The following CADM2 variants were observed in gnomAD, a reference collection of about 807,000 sequenced individuals.
The protein encoded by CADM2 is immunoglobulin superfamily member 4D.
A neutral mutation model predicts 49.8 loss-of-function variants in CADM2; 12 were observed. The observed-to-expected ratio is 0.24, with a 90% CI of 0.15 to 0.39. CADM2 has a LOEUF of 0.39. Ranked by LOEUF, CADM2 falls within the 10% of genes least tolerant of loss-of-function variation. The pLI, the probability that CADM2 is intolerant of heterozygous loss-of-function variation, is 1.00. For synonymous variants in CADM2, 214 were observed against 175.4 expected, an observed-to-expected ratio of 1.22 and a Z score of -1.74; for missense variants, 378 against 492.3, an observed-to-expected ratio of 0.77 and a Z score of 2.20.
chr3:85,127,751 T>A (rs2039083721), intron 1 of CADM2, among the ~76,000 whole-genome samples: 1 of 152,172 alleles, frequency 6.6e-6, no homozygotes, highest in Admixed American at 6.6e-5. Context: ...AGGATTGATT[T>A]AGGTGATACA....
intron 1 of CADM2, among the ~76,000 whole-genome samples, chr3:85,020,215 C>T (rs189755844): frequency 6.6e-6 from 1 of 151,998 alleles, no homozygotes; most frequent in East Asian, 1.9e-4. Context: ...CTGGTGGTTT[C>T]AATGAAAAAC....
intron 3 of CADM2, among the ~76,000 whole-genome samples, chr3:85,831,592 G>A (rs566973805): frequency 6.6e-6 from 1 of 152,048 alleles, no homozygotes; most frequent in East Asian, 1.9e-4. Context: ...GTGATGTAAA[G>A]CATTTTAAAA....
In CADM2 at chr3:85,906,065, G is replaced by C. The variant is rs148937221; in HGVS notation, c.530-6308G>C. 7.5e-4 allele frequency among the ~76,000 whole-genome samples: 114 copies of C among 152,246 alleles called. 1 individual carries two copies. The East Asian group carries it at 0.02, about 27-fold the overall frequency. ...TTCAAAGAAGTCACACTTGCCTGCT[G>C]CTACAGAAGTTGCTCAAATGCGTAG... is the stretch of plus-strand genomic sequence containing the variant. On this transcript the variant is annotated intron_variant, in intron 5 of 9. Coordinates refer to ENST00000383699, the MANE Select transcript of CADM2 (RefSeq NM_001167675.2).
chr3:85,280,397 A>G (rs1335859827), intron 1 of CADM2, among the ~76,000 whole-genome samples: 1 of 151,062 alleles, frequency 6.6e-6, no homozygotes, highest in Admixed American at 6.6e-5. Context: ...GACCTGCAAA[A>G]TTTCTGCTGA....
chr3:85,239,652 A>G lies in CADM2; in HGVS notation c.61+279984A>G, dbSNP rs186702904. Among the ~76,000 whole-genome samples the G allele has an allele frequency of 3.4e-3, 509 of 151,624 alleles. 1 individual carries two copies. The highest frequency in any genetic ancestry group is 0.011 in the African/African-American group (459 of 41,518). ...AGATTATATTAGAAAAACATTTATA[A>G]ATTTATTAAAATAGGTTTTTTATAA... is the stretch of plus-strand genomic sequence containing the variant. On this transcript the variant is annotated intron_variant, in intron 1 of 9. Coordinates refer to ENST00000383699, the MANE Select transcript of CADM2 (RefSeq NM_001167675.2).
At chr3:85,296,102 A>T (rs1576304249) in intron 1 of CADM2, among the ~76,000 whole-genome samples, 2 of 152,190 alleles carry the variant, frequency 1.3e-5, no homozygotes, top group Middle Eastern at 3.4e-3. Flanking sequence ...TATAATATTT[A>T]ACATGAAGAT....
chr3:85,264,995 T>C (rs2043090810), intron 1 of CADM2, among the ~76,000 whole-genome samples: 2 of 151,994 alleles, frequency 1.3e-5, no homozygotes, highest in African/African-American at 2.4e-5. Flanking sequence ...CTCTGAGCTA[T>C]GAGTTTATTC....
chr3:86,052,658 G>GC (rs1242708580), intron 8 of CADM2, among the ~76,000 whole-genome samples: 6 of 151,798 alleles, frequency 4.0e-5, no homozygotes, highest in Non-Finnish European at 7.4e-5. Context: ...AGGCATATTT[G>GC]CCACTCATTA....
intron 3 of CADM2, among the ~76,000 whole-genome samples, chr3:85,865,517 AT>A (rs1559709506): frequency 6.6e-6 from 1 of 152,224 alleles, no homozygotes; most frequent in African/African-American, 2.4e-5. Flanking sequence ...ATGAGTGTTT[AT>A]TAGTAAAATA....
intron 1 of CADM2, among the ~76,000 whole-genome samples, chr3:84,969,461 G>A (rs1248857): frequency 0.56 from 84,268 of 150,976 alleles, 23,958 homozygotes; most frequent in African/African-American, 0.65. Flanking sequence ...ATAAAACTTC[G>A]TATATTATTA....
At chr3:85,472,125 T>C (rs1268036422) in intron 1 of CADM2, among the ~76,000 whole-genome samples, 1 of 151,974 alleles carries the variant, frequency 6.6e-6, no homozygotes, top group Non-Finnish European at 1.5e-5. Flanking sequence ...AATGGAATAA[T>C]TTATTTTTAA....
intron 1 of CADM2, among the ~76,000 whole-genome samples, chr3:85,337,480 A>G (rs1365524420): frequency 6.6e-6 from 1 of 151,406 alleles, no homozygotes; most frequent in Non-Finnish European, 1.5e-5. Context: ...ACAAAAATAA[A>G]TGGCCTACAG....
At chr3:85,474,715 T>C (rs2038908852) in intron 1 of CADM2, among the ~76,000 whole-genome samples, 1 of 151,978 alleles carries the variant, frequency 6.6e-6, no homozygotes, top group South Asian at 2.1e-4. Context: ...TGTGATGATA[T>C]CCACTTAGAG....
intron 5 of CADM2, among the ~76,000 whole-genome samples, chr3:85,895,015 G>A (rs1370027944): frequency 6.6e-6 from 1 of 152,248 alleles, no homozygotes; most frequent in African/African-American, 2.4e-5. Flanking sequence ...CCCACAGAGA[G>A]TCCCGACTGA....
intron 1 of CADM2, among the ~76,000 whole-genome samples, chr3:85,510,474 C>G (rs1163089492): frequency 6.6e-6 from 1 of 151,968 alleles, no homozygotes; most frequent in Non-Finnish European, 1.5e-5. Context: ...CGAAAATTGC[C>G]TAAAATTGCT....
chr3:85,030,817 C>A (rs1320479118), intron 1 of CADM2, among the ~76,000 whole-genome samples: 1 of 152,154 alleles, frequency 6.6e-6, no homozygotes, highest in African/African-American at 2.4e-5. Flanking sequence ...TTCCGTCTCT[C>A]CCCTGAGAAA....
At chr3:85,072,186 T>C (rs2036772821) in intron 1 of CADM2, among the ~76,000 whole-genome samples, 1 of 151,954 alleles carries the variant, frequency 6.6e-6, no homozygotes. Context: ...TATGAAGAAA[T>C]GATAAATGTA....
chr3:85,068,742 T>A (rs907519970), intron 1 of CADM2, among the ~76,000 whole-genome samples: 8 of 152,010 alleles, frequency 5.3e-5, no homozygotes, highest in Non-Finnish European at 8.8e-5. Context: ...TAAAGTAAGC[T>A]TTTTTGTTTT....
intron 5 of CADM2, among the ~76,000 whole-genome samples, chr3:85,891,801 A>G (rs929905218): frequency 6.6e-6 from 1 of 152,228 alleles, no homozygotes; most frequent in African/African-American, 2.4e-5. Flanking sequence ...ACTAACAATC[A>G]GAGAGCTTGA....
Sources: gnomAD v4.1 joint callset for allele counts (sites outside exome capture counted in the v4.1 genomes callset) on GRCh38, gnomAD v4.1.1 for gene constraint, MANE v1.5 for transcripts, NCBI Gene and HGNC (gene_info 2026-07-23, HGNC 2026-07-21) for gene names.